Variants in GALNTL6 observed in about 807,000 individuals in gnomAD.
GALNTL6 encodes polypeptide N-acetylgalactosaminyltransferase-like 6.
A neutral mutation model predicts 73.7 loss-of-function variants in GALNTL6; 46 were observed. The observed-to-expected ratio is 0.62, with a 90% CI of 0.49 to 0.80. The LOEUF is 0.80. Ranked by LOEUF, GALNTL6 falls within the 30% of genes least tolerant of loss-of-function variation. The probability of loss-of-function intolerance (pLI) is 0.00; values close to 1 mark genes in which losing one functional copy is unlikely to be tolerated. For synonymous variants in GALNTL6, 259 were observed against 263.7 expected (o/e 0.98, Z 0.17); for missense variants, 604 against 755.0 (o/e 0.80, Z 2.34).
chr4:171,831,842 C>T (rs1734980272), intron 2 of GALNTL6, among the ~76,000 whole-genome samples: 1 of 151,588 alleles, frequency 6.6e-6, no homozygotes. Flanking sequence ...TGTTACCTAA[C>T]AAAAATATGT....
intron 4 of GALNTL6, among the ~76,000 whole-genome samples, chr4:172,340,467 T>C (rs978736342): frequency 5.3e-5 from 8 of 152,160 alleles, no homozygotes. Flanking sequence ...TCTTGTGGTG[T>C]CTTTGCCCAT....
Position 171,918,586 on chromosome 4 carries a change from G to C in GALNTL6, c.138+103868G>C, listed in dbSNP as rs563494811. 3.9e-5 allele frequency among the ~76,000 whole-genome samples: 6 copies of C among 152,138 alleles called. No homozygotes were observed. The East Asian group carries it at 9.7e-4, about 25-fold the overall frequency. ...AGCCACTAAGGAAAACAATATGGAG[G>C]TTCCTCAAAAAATTTTAAAATAAAA... On this transcript the variant is annotated intron_variant, in intron 2 of 12. Coordinates refer to ENST00000506823, the MANE Select transcript of GALNTL6 (RefSeq NM_001034845.3).
intron 5 of GALNTL6, among the ~76,000 whole-genome samples, chr4:172,493,860 C>G (rs531311008): frequency 6.6e-6 from 1 of 152,208 alleles, no homozygotes; most frequent in African/African-American, 2.4e-5. Context: ...CTGAGTAAAG[C>G]CTTGTTTCCT....
At chr4:171,866,354 A>G (rs1444710486) in intron 2 of GALNTL6, among the ~76,000 whole-genome samples, 3 of 152,030 alleles carry the variant, frequency 2.0e-5, no homozygotes, top group East Asian at 1.9e-4. Flanking sequence ...ATCATTTCCA[A>G]TTAGAGTCAA....
Position 172,747,837 on chromosome 4 carries a change from CAA to C in GALNTL6, c.554-61512_554-61511del, listed in dbSNP as rs374876929. Among the ~76,000 whole-genome samples the C allele has an allele frequency of 2.1e-3, 282 of 131,784 alleles. 1 individual carries two copies. Among genetic ancestry groups the C allele is most frequent in the Middle Eastern group, 0.021 (5 of 242 alleles). 86.5% of individuals were successfully genotyped at this position (131,784 alleles called of 152,430 possible). A position where few individuals can be genotyped will look rare whatever the true frequency, so the allele number is the denominator to read the frequency against. Reference sequence around the variant, plus strand: ...ACAATGGAATTGTGCTATTCAGCTTCAAAAAAAAAAAAAGCCACAGGAAAATA... The same window carrying C: ...ACAATGGAATTGTGCTATTCAGCTTCAAAAAAAAAAAGCCACAGGAAAATA... On this transcript the variant is annotated intron_variant, in intron 5 of 12. Transcript: ENST00000506823.
intron 5 of GALNTL6, among the ~76,000 whole-genome samples, chr4:172,417,174 G>T (rs948831409): frequency 6.7e-6 from 1 of 149,352 alleles, no homozygotes; most frequent in Non-Finnish European, 1.5e-5. Context: ...GTTGCTTTAT[G>T]TGTGTGTGTG....
At chr4:172,468,033 T>C (rs1732899758) in intron 5 of GALNTL6, among the ~76,000 whole-genome samples, 1 of 151,586 alleles carries the variant, frequency 6.6e-6, no homozygotes, top group South Asian at 2.1e-4. Context: ...GCTGGGACTA[T>C]AGGCATACAC....
intron 10 of GALNTL6, among the ~76,000 whole-genome samples, chr4:173,007,315 T>G (rs4499682): frequency 6.6e-6 from 1 of 151,982 alleles, no homozygotes; most frequent in Non-Finnish European, 1.5e-5. Flanking sequence ...GGGCCCATCC[T>G]GGTTTTGTTT....
chr4:172,164,983 A>G (rs1405541926), intron 2 of GALNTL6, among the ~76,000 whole-genome samples: 5 of 152,134 alleles, frequency 3.3e-5, no homozygotes, highest in Non-Finnish European at 5.9e-5. Flanking sequence ...CAACCTGTGC[A>G]GTCTAGCTTT....
chr4:171,949,810 A>G (rs1347804609), intron 2 of GALNTL6, among the ~76,000 whole-genome samples: 1 of 152,216 alleles, frequency 6.6e-6, no homozygotes, highest in Non-Finnish European at 1.5e-5. Flanking sequence ...AATGATTCTG[A>G]AAGAAGTGTG....
intron 5 of GALNTL6, among the ~76,000 whole-genome samples, chr4:172,745,218 AAAG>A (rs1737038149): frequency 6.6e-6 from 1 of 151,752 alleles, no homozygotes; most frequent in Non-Finnish European, 1.5e-5. Context: ...TTAATTAAAA[AAAG>A]AAGATAAAGA....
At chr4:172,042,771 A>G (rs1250156260) in intron 2 of GALNTL6, among the ~76,000 whole-genome samples, 1 of 147,688 alleles carries the variant, frequency 6.8e-6, no homozygotes, top group African/African-American at 2.5e-5. Context: ...CTGATAGCCA[A>G]CTCATGTCAC....
At chr4:171,980,206 A>T (rs1739855977) in intron 2 of GALNTL6, among the ~76,000 whole-genome samples, 1 of 152,182 alleles carries the variant, frequency 6.6e-6, no homozygotes, top group Admixed American at 6.5e-5. Flanking sequence ...AAATGAAAAA[A>T]ATTAAAAACC....
chr4:172,058,167 C>A (rs1731087330), intron 2 of GALNTL6, among the ~76,000 whole-genome samples: 1 of 94,130 alleles, frequency 1.1e-5, no homozygotes. Context: ...CAGACCAGTG[C>A]CCAAGCTGGT....
chr4:172,549,999 A>C (rs1484499784), intron 5 of GALNTL6, among the ~76,000 whole-genome samples: 1 of 152,196 alleles, frequency 6.6e-6, no homozygotes. Flanking sequence ...TCCACTGGAT[A>C]GTTTTCCACA....
At chr4:172,259,467 T>C (rs1364665866) in intron 3 of GALNTL6, among the ~76,000 whole-genome samples, 1 of 151,262 alleles carries the variant, frequency 6.6e-6, no homozygotes, top group Non-Finnish European at 1.5e-5. Context: ...TTTTTTTTTT[T>C]CTTGCTGATT....
intron 7 of GALNTL6, among the ~76,000 whole-genome samples, chr4:172,826,548 A>G (rs1355301205): frequency 6.6e-6 from 1 of 152,212 alleles, no homozygotes; most frequent in African/African-American, 2.4e-5. Flanking sequence ...TAATGGAATG[A>G]CTCAGGCATT....
Position 171,876,305 on chromosome 4 carries a change from A to G in GALNTL6, c.138+61587A>G, listed in dbSNP as rs1337531657. ...ACCAATTCTTAATTAACGACACTAT[A>G]ATATGGTTTATTACTAGAGTTGTAC... is the stretch of plus-strand genomic sequence containing the variant. On this transcript the variant is annotated intron_variant, in intron 2 of 12. Coordinates refer to ENST00000506823, the MANE Select transcript of GALNTL6 (RefSeq NM_001034845.3). Among the ~76,000 whole-genome samples, 3 of 152,210 alleles carry G rather than the reference A, an allele frequency of 2.0e-5. No homozygotes were observed. The East Asian group carries it at 5.8e-4, about 29-fold the overall frequency.
chr4:172,901,505 A>C (rs1376842426), intron 8 of GALNTL6, among the ~76,000 whole-genome samples: 1 of 152,132 alleles, frequency 6.6e-6, no homozygotes. Flanking sequence ...GATAACTGAG[A>C]GTTTACTAGC....
Sources: gnomAD v4.1 joint callset for allele counts (sites outside exome capture counted in the v4.1 genomes callset) on GRCh38, gnomAD v4.1.1 for gene constraint, MANE v1.5 for transcripts, NCBI Gene and HGNC (gene_info 2026-07-23, HGNC 2026-07-21) for gene names.